RALGAPA1: variants seen among roughly 807,000 people sequenced by gnomAD.
RALGAPA1 encodes the protein ral GTPase-activating protein subunit alpha-1.
A neutral mutation model predicts 269.6 loss-of-function variants in RALGAPA1; 52 were observed. The ratio of observed to expected loss-of-function variants is 0.19; its 90% CI spans 0.15 to 0.24. The LOEUF (loss-of-function observed/expected upper bound fraction) is 0.24, where lower values mean the gene tolerates loss of function less well. Among genes scored for constraint, RALGAPA1 ranks in the 10% least tolerant of loss-of-function variants. The pLI is 1.00. For synonymous variants in RALGAPA1, 817 were observed against 1,008.3 expected, an observed-to-expected ratio of 0.81 and a Z score of 3.60; for missense variants, 1,917 against 3,013.9, an observed-to-expected ratio of 0.64 and a Z score of 8.52.
At chr14:35,706,292 T>A (rs894852176) in intron 16 of RALGAPA1, among the ~76,000 whole-genome samples, 1 of 152,210 alleles carries the variant, frequency 6.6e-6, no homozygotes, top group Admixed American at 6.5e-5. Context: ...AGGTCTATGA[T>A]CTGAGTTAAT....
At chr14:35,679,704 T>C (rs1270036690) in intron 21 of RALGAPA1, among the ~76,000 whole-genome samples, 1 of 140,570 alleles carries the variant, frequency 7.1e-6, no homozygotes, top group East Asian at 2.0e-4. Flanking sequence ...ACGATCTACA[T>C]TTATATTATT....
chr14:35,786,739 C>T (rs947993891), intron 1 of RALGAPA1, among the ~76,000 whole-genome samples: 2 of 152,126 alleles, frequency 1.3e-5, no homozygotes, highest in African/African-American at 2.4e-5. Context: ...ATTTTAAGGT[C>T]GAGGCCTAAT....
At chr14:35,548,837 C>T (rs1257890049) in intron 40 of RALGAPA1, among the ~76,000 whole-genome samples, 2 of 152,068 alleles carry the variant, frequency 1.3e-5, no homozygotes, top group African/African-American at 4.8e-5. Context: ...GCAGATACTT[C>T]AGAAATGATT....
intron 16 of RALGAPA1, among the ~76,000 whole-genome samples, chr14:35,712,830 C>T (rs1344728284): frequency 6.6e-6 from 1 of 152,208 alleles, no homozygotes; most frequent in African/African-American, 2.4e-5. Flanking sequence ...TGAGTTAATG[C>T]ACCCAGCCTC....
At chr14:35,653,569 T>G (rs928804294) in intron 30 of RALGAPA1, among the ~76,000 whole-genome samples, 3 of 152,152 alleles carry the variant, frequency 2.0e-5, no homozygotes, top group Admixed American at 2.0e-4. Context: ...AAAAAACCAG[T>G]TGGGTTCTCC....
intron 30 of RALGAPA1, among the ~76,000 whole-genome samples, chr14:35,652,364 T>TTATATA (rs10645179): frequency 0.024 from 3,513 of 147,912 alleles, 104 homozygotes; most frequent in African/African-American, 0.066. Flanking sequence ...GGCCTTTTGT[T>TTATATA]TATATATATA....
At chr14:35,712,744 C>G (rs896009524) in intron 16 of RALGAPA1, among the ~76,000 whole-genome samples, 1 of 152,178 alleles carries the variant, frequency 6.6e-6, no homozygotes, top group Non-Finnish European at 1.5e-5. Context: ...TGGCCTCAAG[C>G]AATCCTCCCA....
In RALGAPA1 at chr14:35,721,668, T is replaced by A; in HGVS notation, c.2266+20A>T. On this transcript the variant is annotated intron_variant, in intron 16 of 41. Transcript: ENST00000680220. Reference sequence around the variant, plus strand: ...AATGTAGTGCCCTGTACCATTCTCATGATTTTCAAGAGTACATACCGACAG... The same window carrying A: ...AATGTAGTGCCCTGTACCATTCTCAAGATTTTCAAGAGTACATACCGACAG... 6.2e-7 allele frequency: 1 copy of A among 1,607,222 alleles called. No individual in the cohort carries two copies. Among genetic ancestry groups the A allele is most frequent in the Non-Finnish European group, 8.5e-7 (1 of 1,176,570 alleles).
intron 7 of RALGAPA1, chr14:35,756,225 C>G (rs1241596566): frequency 6.6e-6 from 1 of 152,184 alleles, no homozygotes; most frequent in Non-Finnish European, 1.5e-5. Context: ...TCTCTAGATT[C>G]CTAAGAGTGT....
intron 4 of RALGAPA1, chr14:35,765,870 G>T: frequency 1.3e-6 from 1 of 788,472 alleles, no homozygotes; most frequent in Admixed American, 2.0e-5. Flanking sequence ...TGTTGGATTA[G>T]GGAGCTCTAC....
intron 10 of RALGAPA1, among the ~76,000 whole-genome samples, chr14:35,747,798 T>C (rs2072261963): frequency 6.6e-6 from 1 of 152,220 alleles, no homozygotes; most frequent in South Asian, 2.1e-4. Context: ...GTAGTTTTCA[T>C]AAGGTTTCTC....
chr14:35,627,130 A>G lies in RALGAPA1; in HGVS notation c.6817T>C (p.Leu2273=). The change falls in exon 34 of 42, where the codon TTG becomes CTG. Residue 2273 remains leucine, a synonymous_variant. Transcript: ENST00000680220. ...TTCATTCCCAATATACTAAGAAGCA[A>G]TCTGCAATAATAAAATGCTGACTGA... ...KPQSAFYYCR[L]LLSILGMNSW... 20 of 1,565,814 alleles carry G rather than the reference A, an allele frequency of 1.3e-5. No individual in the cohort carries two copies. The highest frequency in any genetic ancestry group is 4.5e-5 in the East Asian group (2 of 44,528).
At position 35,760,843 on chromosome 14, in the gene RALGAPA1, A is replaced by G. The variant is rs767679537; in HGVS notation, c.533T>C (p.Leu178Pro). The change falls in exon 6 of 42, where the codon CTC becomes CCC. Residue 178 changes from leucine to proline, a missense_variant. Leu to Pro is a moderately conservative substitution (Grantham distance 98, BLOSUM62 -3). Around this residue, in one of 11 missense-constraint regions of RALGAPA1, gnomAD observed 462 missense variants for 725.6 expected, o/e 0.64. Transcript: ENST00000680220. ...ATGAATCTTACTTTCTTGAAGGTTG[A>G]GTGGAGGATTAATGAGATTATCTAA... ...RTLDNLINPP[L>P]NLQETQVTIE... The G allele has an allele frequency of 6.2e-7, 1 of 1,610,990 alleles. No homozygotes were observed. The highest frequency in any genetic ancestry group is 8.5e-7 in the Non-Finnish European group (1 of 1,178,804).
intron 36 of RALGAPA1, among the ~76,000 whole-genome samples, chr14:35,604,941 A>T (rs2059504323): frequency 6.6e-6 from 1 of 152,142 alleles, no homozygotes; most frequent in Non-Finnish European, 1.5e-5. Flanking sequence ...TCTGAGTTAT[A>T]ATTCTAAGAC....
chr14:35,557,098 A>ATGTATGTG (rs374430279), intron 39 of RALGAPA1, among the ~76,000 whole-genome samples: 2 of 142,518 alleles, frequency 1.4e-5, no homozygotes, highest in South Asian at 2.3e-4. Context: ...TCCAATATGT[A>ATGTATGTG]TGTGTGTGTG....
chr14:35,583,717 A>C (rs574226278), intron 37 of RALGAPA1, among the ~76,000 whole-genome samples: 1 of 152,302 alleles, frequency 6.6e-6, no homozygotes, highest in South Asian at 2.1e-4. Flanking sequence ...GAGGAAAAAA[A>C]ATCTTACCTA....
At chr14:35,609,785 G>C (rs1290138119) in intron 35 of RALGAPA1, among the ~76,000 whole-genome samples, 1 of 151,628 alleles carries the variant, frequency 6.6e-6, no homozygotes, top group African/African-American at 2.4e-5. Context: ...AGCTGGGTGT[G>C]ATGGTGCACA....
intron 16 of RALGAPA1, among the ~76,000 whole-genome samples, chr14:35,712,204 G>A (rs367679776): frequency 7.1e-6 from 1 of 140,624 alleles, no homozygotes; most frequent in Non-Finnish European, 1.5e-5. Flanking sequence ...GCCAGATCAC[G>A]CCAAGGCACT....
intron 26 of RALGAPA1, among the ~76,000 whole-genome samples, chr14:35,665,711 G>A (rs749067187): frequency 5.9e-5 from 9 of 152,004 alleles, no homozygotes; most frequent in Admixed American, 2.6e-4. Context: ...CATATCTACC[G>A]TTCCAATTTA....
Sources: gnomAD v4.1 joint callset for allele counts (sites outside exome capture counted in the v4.1 genomes callset) on GRCh38, gnomAD v4.1.1 for gene constraint, gnomAD v4.1.1 regional missense constraint, MANE v1.5 for transcripts, NCBI Gene and HGNC (gene_info 2026-07-23, HGNC 2026-07-21) for gene names.